SULT4A1: variants seen among roughly 807,000 people sequenced by gnomAD.
SULT4A1 encodes sulfotransferase 4A1.
Under a neutral mutation model 35.2 loss-of-function variants are expected in SULT4A1, and 11 were observed. The ratio of observed to expected loss-of-function variants is 0.31; its 90% CI spans 0.20 to 0.52. The LOEUF is 0.52. Ranked by LOEUF, SULT4A1 falls within the 20% of genes least tolerant of loss-of-function variation. SULT4A1 has a pLI of 0.97. For missense variants in SULT4A1, 271 were observed against 383.7 expected, an observed-to-expected ratio of 0.71 and a Z score of 2.45; for synonymous variants, 152 against 151.8, an observed-to-expected ratio of 1.00 and a Z score of -0.01.
chr22:43,860,310 AG>A (rs2049451276), intron 1 of SULT4A1, among the ~76,000 whole-genome samples: 1 of 51,932 alleles, frequency 1.9e-5, no homozygotes, highest in Non-Finnish European at 3.6e-5. Context: ...CACTAAGGAC[AG>A]GCACCAGATG....
chr22:43,840,423 G>A (rs966878381), intron 2 of SULT4A1, among the ~76,000 whole-genome samples: 1 of 152,086 alleles, frequency 6.6e-6, no homozygotes, highest in Admixed American at 6.5e-5. Context: ...TGTCACCTGA[G>A]ACAAAGATTG....
intron 4 of SULT4A1, among the ~76,000 whole-genome samples, chr22:43,838,590 T>C (rs926923130): frequency 2.0e-5 from 3 of 152,234 alleles, no homozygotes; most frequent in Non-Finnish European, 4.4e-5. Flanking sequence ...AGGATGGATG[T>C]TTTAACTGGG....
chr22:43,830,160 C>G (rs1355040400), intron 5 of SULT4A1, among the ~76,000 whole-genome samples: 1 of 152,140 alleles, frequency 6.6e-6, no homozygotes, highest in Non-Finnish European at 1.5e-5. Context: ...GGGCTTGACT[C>G]AAGAGTCAGA....
At chr22:43,827,108 G>GT (rs1227211602) in intron 6 of SULT4A1, 1 of 985,378 alleles carries the variant, frequency 1.0e-6, no homozygotes, top group African/African-American at 1.7e-5. Context: ...AAACTTCCCA[G>GT]TTATGGGAGC....
Position 43,829,087 on chromosome 22 carries a change from T to C in SULT4A1, c.715A>G (p.Asn239Asp), listed in dbSNP as rs1351045890. Reference sequence around the variant, plus strand: ...CGGCCCACGGGCAGGGCCTCAGCGTTGCAGCACTGGTCCACCAGCTGGTGG... The same window carrying C: ...CGGCCCACGGGCAGGGCCTCAGCGTCGCAGCACTGGTCCACCAGCTGGTGG... ...HCHQLVDQCC[N>D]AEALPVGRGR... Residue 239 changes from asparagine to aspartate, a missense_variant, in exon 6 of 7, where the codon AAC becomes GAC. Asn to Asp is a conservative substitution (Grantham distance 23). Around this residue, in one of 3 missense-constraint regions of SULT4A1, gnomAD observed 32 missense variants for 61.9 expected, o/e 0.52. Transcript: ENST00000330884. The C allele has an allele frequency of 2.6e-6, 4 of 1,549,412 alleles. No homozygotes were observed. The highest frequency in any genetic ancestry group is 3.5e-6 in the Non-Finnish European group (4 of 1,145,812).
intron 5 of SULT4A1, among the ~76,000 whole-genome samples, chr22:43,831,746 A>G (rs2063327410): frequency 6.6e-6 from 1 of 152,252 alleles, no homozygotes. Context: ...AGGCAACGCC[A>G]AGCTCCGGTG....
At chr22:43,843,856 C>T (rs2063453364) in intron 1 of SULT4A1, among the ~76,000 whole-genome samples, 1 of 152,226 alleles carries the variant, frequency 6.6e-6, no homozygotes, top group Admixed American at 6.5e-5. Context: ...ATTAGTCAAA[C>T]GTGGGCAGGG....
At chr22:43,833,806 C>G (rs375095110) in intron 4 of SULT4A1, 72 bp from the exon 5 acceptor site, 1 of 1,319,126 alleles carries the variant, frequency 7.6e-7, no homozygotes. Context: ...CATCCCCACC[C>G]CACAGGGCTG....
At chr22:43,844,799 G>A (rs1192812569) in intron 1 of SULT4A1, among the ~76,000 whole-genome samples, 1 of 152,160 alleles carries the variant, frequency 6.6e-6, no homozygotes, top group Admixed American at 6.5e-5. Context: ...CACACCCTGG[G>A]ATGCACGGGA....
At chr22:43,827,116 A>T (rs1032597161) in intron 6 of SULT4A1, 2 of 985,298 alleles carry the variant, frequency 2.0e-6, no homozygotes, top group African/African-American at 3.5e-5. Context: ...CAGTTATGGG[A>T]GCTGTGAGCA....
intron 5 of SULT4A1, among the ~76,000 whole-genome samples, chr22:43,833,361 C>T (rs920964392): frequency 2.0e-5 from 3 of 152,068 alleles, no homozygotes; most frequent in African/African-American, 7.2e-5. Flanking sequence ...ACTCCAAAGG[C>T]CCCCTGATAA....
intron 4 of SULT4A1, among the ~76,000 whole-genome samples, chr22:43,836,395 A>G (rs2063375127): frequency 7.1e-6 from 1 of 141,276 alleles, no homozygotes; most frequent in African/African-American, 2.7e-5. Context: ...CTGTCTACAC[A>G]GCGTCCTCAC....
At chr22:43,849,493 T>C (rs2063497133) in intron 1 of SULT4A1, among the ~76,000 whole-genome samples, 1 of 152,150 alleles carries the variant, frequency 6.6e-6, no homozygotes, top group South Asian at 2.1e-4. Context: ...AAAAAGTAAC[T>C]GGACGTCAGA....
chr22:43,859,904 C>G (rs2049446350), intron 1 of SULT4A1, among the ~76,000 whole-genome samples: 2 of 152,192 alleles, frequency 1.3e-5, no homozygotes, highest in African/African-American at 4.8e-5. Context: ...GGCAGAGGGT[C>G]CTACGCTGGA....
At chr22:43,859,237 T>A (rs1345975146) in intron 1 of SULT4A1, among the ~76,000 whole-genome samples, 1 of 152,170 alleles carries the variant, frequency 6.6e-6, no homozygotes, top group Non-Finnish European at 1.5e-5. Context: ...TGTCTGAAAA[T>A]GTAAGACTTA....
At chr22:43,836,808 C>T (rs1375420825) in intron 4 of SULT4A1, among the ~76,000 whole-genome samples, 1 of 151,762 alleles carries the variant, frequency 6.6e-6, no homozygotes, top group East Asian at 1.9e-4. Context: ...CCAGTCTACA[C>T]AGCGTCCTCA....
rs376138738 is a variant in SULT4A1, at chr22:43,827,205, G to A, written c.743-1092C>T. 5 of 985,400 alleles carry A rather than the reference G, an allele frequency of 5.1e-6. No individual in the cohort carries two copies. In the East Asian group the frequency reaches 4.5e-4, roughly 89 times the overall value. The allele number at this position is 985,400 out of a possible 1,614,324, so 61.0% of individuals were successfully genotyped here. On this transcript the variant is annotated intron_variant, in intron 6 of 6. Transcript: ENST00000330884. ...TTCCATTGTCAGCTCTCTGAGATCAGAGCTCTGTCTCCAGCAAATGTCCTT... is the reference window on the plus strand; with the variant it reads ...TTCCATTGTCAGCTCTCTGAGATCAAAGCTCTGTCTCCAGCAAATGTCCTT...
At chr22:43,856,339 G>A (rs1008317748) in intron 1 of SULT4A1, among the ~76,000 whole-genome samples, 12 of 152,150 alleles carry the variant, frequency 7.9e-5, no homozygotes, top group African/African-American at 2.9e-4. Flanking sequence ...GCAGGAAACT[G>A]TCCCTGGGCC....
chr22:43,833,341 A>G (rs188220761), intron 5 of SULT4A1, among the ~76,000 whole-genome samples: 3 of 151,702 alleles, frequency 2.0e-5, no homozygotes, highest in Non-Finnish European at 4.4e-5. Flanking sequence ...ATCAACCACC[A>G]CTGTAAAGCA....
Sources: allele counts gnomAD v4.1 joint callset (sites outside exome capture counted in the v4.1 genomes callset), GRCh38; gene constraint gnomAD v4.1.1; regional missense constraint gnomAD v4.1.1; transcripts MANE v1.5; gene names NCBI Gene and HGNC (gene_info 2026-07-23, HGNC 2026-07-21).